The following ASTN2 variants were observed in gnomAD, a reference collection of about 807,000 sequenced individuals.
The protein encoded by ASTN2 is astrotactin 2.
A neutral mutation model predicts 139.8 loss-of-function variants in ASTN2; 54 were observed. The observed-to-expected ratio is 0.39, with a 90% CI of 0.31 to 0.48. ASTN2 has a LOEUF of 0.48. Ranked by LOEUF, ASTN2 falls within the 20% of genes least tolerant of loss-of-function variation. The pLI is 0.95. For synonymous variants in ASTN2, 756 were observed against 719.5 expected, an observed-to-expected ratio of 1.05 and a Z score of -0.81; for missense variants, 1,565 against 1,725.1, an observed-to-expected ratio of 0.91 and a Z score of 1.64.
chr9:117,167,931 G>A (rs1397923133), intron 3 of ASTN2, among the ~76,000 whole-genome samples: 1 of 152,100 alleles, frequency 6.6e-6, no homozygotes, highest in Non-Finnish European at 1.5e-5. Flanking sequence ...GAGGTGATAA[G>A]AACTGATCTA....
chr9:116,836,002 A>G (rs1464935444), intron 11 of ASTN2, among the ~76,000 whole-genome samples: 4 of 152,130 alleles, frequency 2.6e-5, no homozygotes, highest in Admixed American at 1.3e-4. Context: ...CTCATCCAGC[A>G]GGGGAAGGTA....
intron 10 of ASTN2, among the ~76,000 whole-genome samples, chr9:116,943,713 G>C (rs1835300475): frequency 6.6e-6 from 1 of 152,154 alleles, no homozygotes; most frequent in South Asian, 2.1e-4. Context: ...CAAGAAGTAA[G>C]CCTCAACTCT....
At chr9:117,196,748 A>G (rs1378077724) in intron 3 of ASTN2, among the ~76,000 whole-genome samples, 1 of 152,218 alleles carries the variant, frequency 6.6e-6, no homozygotes. Context: ...GACCAATGTT[A>G]ACTGAGGGAA....
At chr9:116,901,115 C>T (rs556256278) in intron 10 of ASTN2, among the ~76,000 whole-genome samples, 6 of 148,916 alleles carry the variant, frequency 4.0e-5, no homozygotes, top group Admixed American at 6.7e-5. Context: ...TGTGTGTGCG[C>T]GTGTGCAAGT....
chr9:117,092,431 C>G (rs72760110), intron 5 of ASTN2, among the ~76,000 whole-genome samples: 1 of 152,008 alleles, frequency 6.6e-6, no homozygotes, highest in East Asian at 1.9e-4. Context: ...CACACAGAAA[C>G]GTGGTGGCAA....
At chr9:116,630,669 C>T (rs1207056463) in intron 17 of ASTN2, among the ~76,000 whole-genome samples, 1 of 151,902 alleles carries the variant, frequency 6.6e-6, no homozygotes. Context: ...AATGAGACCT[C>T]AAAAGCACAG....
chr9:116,735,458 G>A (rs1314028923), intron 13 of ASTN2, among the ~76,000 whole-genome samples: 1 of 152,206 alleles, frequency 6.6e-6, no homozygotes, highest in Non-Finnish European at 1.5e-5. Context: ...TTCCCTGAAA[G>A]ATGTAGCAGG....
chr9:116,886,011 G>A (rs1013427243), intron 10 of ASTN2, among the ~76,000 whole-genome samples: 1 of 152,198 alleles, frequency 6.6e-6, no homozygotes, highest in Admixed American at 6.5e-5. Flanking sequence ...GGCTTTCTGT[G>A]CTACTATTTA....
chr9:116,946,628 G>C (rs959701347), intron 10 of ASTN2, among the ~76,000 whole-genome samples: 5 of 152,104 alleles, frequency 3.3e-5, no homozygotes, highest in Admixed American at 6.5e-5. Flanking sequence ...GAGCATGCTG[G>C]TGTGTGAGGG....
At chr9:117,208,488 C>G (rs147822839) in intron 3 of ASTN2, among the ~76,000 whole-genome samples, 78 of 151,056 alleles carry the variant, frequency 5.2e-4, no homozygotes, top group African/African-American at 1.7e-3. Context: ...ATAAATAATA[C>G]AAAAAAAAGA....
chr9:116,657,860 GAA>G (rs1426688363), intron 16 of ASTN2, among the ~76,000 whole-genome samples: 1 of 144,020 alleles, frequency 6.9e-6, no homozygotes, highest in Non-Finnish European at 1.5e-5. Context: ...GAATATAAAA[GAA>G]AAAAGAGAGG....
chr9:116,951,129 G>A (rs913533806), intron 10 of ASTN2, among the ~76,000 whole-genome samples: 1 of 151,952 alleles, frequency 6.6e-6, no homozygotes, highest in African/African-American at 2.4e-5. Context: ...CCTGAGGTCT[G>A]GAGTTTGAGA....
chr9:117,254,123 G>A (rs865986432), intron 2 of ASTN2, among the ~76,000 whole-genome samples: 1 of 152,042 alleles, frequency 6.6e-6, no homozygotes, highest in African/African-American at 2.4e-5. Flanking sequence ...CCAACTATGC[G>A]AGCCTCAGAT....
intron 6 of ASTN2, among the ~76,000 whole-genome samples, chr9:117,020,635 AT>A (rs1012785507): frequency 1.3e-5 from 2 of 152,088 alleles, no homozygotes; most frequent in African/African-American, 4.8e-5. Context: ...CCACTGATGC[AT>A]TTGAATTTAG....
At chr9:116,490,267 A>C (rs1849470234) in intron 19 of ASTN2, among the ~76,000 whole-genome samples, 1 of 124,914 alleles carries the variant, frequency 8.0e-6, no homozygotes, top group Admixed American at 8.7e-5. Context: ...GTATGTGATA[A>C]AAAGTAAAAA....
intron 16 of ASTN2, among the ~76,000 whole-genome samples, chr9:116,666,680 A>C (rs938853946): frequency 6.6e-6 from 1 of 151,898 alleles, no homozygotes; most frequent in African/African-American, 2.4e-5. Context: ...TTTTTCTGAG[A>C]AAAGGGGTTA....
chr9:117,414,426 C>A lies in ASTN2; in HGVS notation c.442+71G>T. Reference sequence around the variant, plus strand: ...CCCGGGCAGGGATCCCCAGGGCGCCCCCACCCGTCCGGCATGACGCAGGGG... The same window carrying A: ...CCCGGGCAGGGATCCCCAGGGCGCCACCACCCGTCCGGCATGACGCAGGGG... On this transcript the variant is annotated intron_variant, in intron 1 of 22. Coordinates refer to ENST00000313400, the MANE Select transcript of ASTN2 (RefSeq NM_001365068.1). This position sits in a 1 kb window ranked among gnomAD's most constrained non-coding sequence, Gnocchi z 4.2. 1 of 1,580,934 alleles carries A rather than the reference C, an allele frequency of 6.3e-7. No individual in the cohort carries two copies.
intron 3 of ASTN2, among the ~76,000 whole-genome samples, chr9:117,147,465 C>A (rs10818003): frequency 0.13 from 18,970 of 143,158 alleles, 1,239 homozygotes; most frequent in Middle Eastern, 0.17. Flanking sequence ...ACACACACAC[C>A]CCCGTTATCC....
chr9:116,658,673 C>T (rs926089895), intron 16 of ASTN2, among the ~76,000 whole-genome samples: 3 of 151,090 alleles, frequency 2.0e-5, no homozygotes, highest in Admixed American at 6.6e-5. Context: ...GACCAGAGAC[C>T]GCAAAGCCAG....
Sources: allele counts gnomAD v4.1 joint callset (sites outside exome capture counted in the v4.1 genomes callset), GRCh38; gene constraint gnomAD v4.1.1; non-coding constraint Gnocchi (gnomAD v3.1); transcripts MANE v1.5; gene names NCBI Gene and HGNC (gene_info 2026-07-23, HGNC 2026-07-21).